ATP9A: variants seen among roughly 807,000 people sequenced by gnomAD.
ATP9A encodes the protein ATPase phospholipid transporting 9A, also known as probable phospholipid-transporting ATPase IIA.
ATP9A carries 52 observed loss-of-function variants against 144.1 expected under a neutral mutation model. The observed-to-expected ratio is 0.36, with a 90% CI of 0.29 to 0.45. ATP9A has a LOEUF of 0.45. ATP9A is among the 20% of genes least tolerant of loss of function. The pLI is 1.00. For synonymous variants in ATP9A, 582 were observed against 557.4 expected, an observed-to-expected ratio of 1.04 and a Z score of -0.62; for missense variants, 947 against 1,392.7, an observed-to-expected ratio of 0.68 and a Z score of 5.09.
intron 20 of ATP9A, 52 bp from the exon 21 acceptor site, chr20:51,618,858 T>C: frequency 1.3e-6 from 2 of 1,580,972 alleles, no homozygotes; most frequent in Non-Finnish European, 1.7e-6. Context: ...GGTGGTGCGT[T>C]GGTGGAGGTC....
intron 10 of ATP9A, among the ~76,000 whole-genome samples, chr20:51,674,578 CA>C (rs919987811): frequency 2.6e-5 from 4 of 151,968 alleles, no homozygotes; most frequent in African/African-American, 7.2e-5. Flanking sequence ...TCTGAAAACT[CA>C]AAAAAATGTT....
intron 15 of ATP9A, 107 bp from the exon 16 acceptor site, chr20:51,629,179 C>A: frequency 1.3e-6 from 1 of 784,306 alleles, no homozygotes; most frequent in Non-Finnish European, 2.0e-6. Context: ...TTAACAGACA[C>A]CAATGTTTTT....
chr20:51,658,198 G>A (rs990442242), intron 13 of ATP9A, among the ~76,000 whole-genome samples: 2 of 152,146 alleles, frequency 1.3e-5, no homozygotes, highest in Admixed American at 1.3e-4. Context: ...GGTGGCTCAC[G>A]CCTGTAATAC....
At chr20:51,725,779 A>AC in intron 3 of ATP9A, 40 bp downstream of exon 3, 2 of 1,375,738 alleles carry the variant, frequency 1.5e-6, no homozygotes, top group Non-Finnish European at 2.1e-6. Context: ...CTGTTTCCAA[A>AC]CCTCTAAGGT....
At chr20:51,630,811 A>G (rs959111278) in intron 15 of ATP9A, among the ~76,000 whole-genome samples, 4 of 152,172 alleles carry the variant, frequency 2.6e-5, no homozygotes, top group African/African-American at 9.7e-5. Flanking sequence ...TTCACATAAG[A>G]ACATGTCAAC....
chr20:51,733,494 CT>C (rs1389111689), intron 1 of ATP9A, among the ~76,000 whole-genome samples: 1 of 152,066 alleles, frequency 6.6e-6, no homozygotes, highest in East Asian at 1.9e-4. Flanking sequence ...CTGCCTTAGC[CT>C]CCTGAGTAGC....
intron 3 of ATP9A, among the ~76,000 whole-genome samples, chr20:51,719,799 T>C (rs1041064146): frequency 4.0e-5 from 5 of 123,886 alleles, no homozygotes; most frequent in Non-Finnish European, 7.0e-5. Flanking sequence ...ATAATCCCAA[T>C]ACTTTGGGAG....
intron 15 of ATP9A, among the ~76,000 whole-genome samples, chr20:51,631,014 C>T (rs1004949318): frequency 1.3e-5 from 2 of 152,034 alleles, no homozygotes; most frequent in Non-Finnish European, 2.9e-5. Context: ...CTGTTCGGCT[C>T]CCCCAAAAAC....
intron 2 of ATP9A, among the ~76,000 whole-genome samples, chr20:51,727,697 C>T (rs1205594262): frequency 6.6e-6 from 1 of 152,126 alleles, no homozygotes; most frequent in Non-Finnish European, 1.5e-5. Flanking sequence ...TTTGGGAAGC[C>T]GAGGCGGATG....
intron 11 of ATP9A, among the ~76,000 whole-genome samples, chr20:51,671,958 C>T (rs1043280575): frequency 6.6e-6 from 1 of 152,040 alleles, no homozygotes; most frequent in Admixed American, 6.6e-5. Flanking sequence ...GCCACCACGC[C>T]GGGCTAATTT....
intron 4 of ATP9A, among the ~76,000 whole-genome samples, chr20:51,698,966 A>C (rs963934060): frequency 1.3e-5 from 2 of 152,214 alleles, no homozygotes; most frequent in African/African-American, 2.4e-5. Flanking sequence ...TACAGGAGCA[A>C]CACCACAAAA....
At chr20:51,618,319 T>C (rs6021325) in intron 21 of ATP9A, among the ~76,000 whole-genome samples, 47,450 of 151,586 alleles carry the variant, frequency 0.31, 7,566 homozygotes, top group Non-Finnish European at 0.34. Flanking sequence ...GAGGCTCAGA[T>C]GGGTGAAAGA....
intron 3 of ATP9A, 126 bp from the exon 4 acceptor site, chr20:51,713,200 G>T: frequency 5.0e-6 from 4 of 796,540 alleles, no homozygotes; most frequent in South Asian, 4.5e-5. Context: ...GGCAGGACCT[G>T]TGAGTTATTC....
At chr20:51,617,238 C>T (rs1013614398) in intron 22 of ATP9A, among the ~76,000 whole-genome samples, 2 of 151,788 alleles carry the variant, frequency 1.3e-5, no homozygotes, top group African/African-American at 2.4e-5. Context: ...AGCCACCACA[C>T]CGGGCCTAGA....
At chr20:51,681,806 C>A (rs1272546976) in intron 9 of ATP9A, among the ~76,000 whole-genome samples, 1 of 152,158 alleles carries the variant, frequency 6.6e-6, no homozygotes. Context: ...AGTGCTGGGA[C>A]CGGCAACGGA....
intron 22 of ATP9A, among the ~76,000 whole-genome samples, chr20:51,615,961 A>G (rs953881914): frequency 3.3e-5 from 5 of 152,108 alleles, no homozygotes; most frequent in African/African-American, 1.2e-4. Context: ...TTTTATAGTG[A>G]GCACTATTTT....
rs113527434 is a variant in ATP9A, at chr20:51,670,400, G to A, written c.1181-291C>T. 2.1e-3 allele frequency among the ~76,000 whole-genome samples: 325 copies of A among 152,342 alleles called. 2 individuals are homozygous for A. The highest frequency in any genetic ancestry group is 3.7e-3 in the Non-Finnish European group (252 of 68,034). On this transcript the variant is annotated intron_variant, in intron 12 of 27. Coordinates refer to ENST00000338821, the MANE Select transcript of ATP9A (RefSeq NM_006045.3). ...CTGGCCCATTCCGTTGGCCAAGAGG[G>A]TGACAAATGACATACACTAGAGCAA...
chr20:51,634,227 C>T (rs541814450), intron 15 of ATP9A, among the ~76,000 whole-genome samples: 57 of 152,286 alleles, frequency 3.7e-4, no homozygotes, highest in African/African-American at 1.3e-3. Context: ...AATGATAAGT[C>T]AACCCTCAAA....
chr20:51,767,288 C>G (rs2122930190), intron 1 of ATP9A, among the ~76,000 whole-genome samples: 1 of 152,296 alleles, frequency 6.6e-6, no homozygotes, highest in Middle Eastern at 3.4e-3. Flanking sequence ...GCTCCAGCCT[C>G]ACCTGCGCGG....
Sources: allele counts gnomAD v4.1 joint callset (sites outside exome capture counted in the v4.1 genomes callset), GRCh38; gene constraint gnomAD v4.1.1; transcripts MANE v1.5; gene names NCBI Gene and HGNC (gene_info 2026-07-23, HGNC 2026-07-21).